S100A13: variants seen among roughly 807,000 people sequenced by gnomAD.
S100A13 encodes the protein S100 calcium binding protein A13.
In S100A13, 6 loss-of-function variants were observed where a neutral mutation model predicts 8.2. The observed-to-expected ratio is 0.73, with a 90% CI of 0.40 to 1.44. S100A13 has a LOEUF of 1.44. S100A13 is among the 40% of genes most tolerant of loss of function. The pLI is 0.02. For synonymous variants in S100A13, 39 were observed against 45.9 expected, an observed-to-expected ratio of 0.85 and a Z score of 0.61; for missense variants, 114 against 113.6, an observed-to-expected ratio of 1.00 and a Z score of -0.02.
chr1:153,623,368 T>C (rs1177853121), intron 2 of S100A13, among the ~76,000 whole-genome samples: 1 of 150,986 alleles, frequency 6.6e-6, no homozygotes, highest in Non-Finnish European at 1.5e-5. Flanking sequence ...GTTTCCTGAT[T>C]GCTCCTATTT....
intron 2 of S100A13, among the ~76,000 whole-genome samples, chr1:153,621,026 T>TA (rs200077101): frequency 0.022 from 3,360 of 152,134 alleles, 117 homozygotes; most frequent in African/African-American, 0.068. Flanking sequence ...ACAGGGATAT[T>TA]AAAAAAAACC....
At chr1:153,631,205 A>C, upstream of S100A13, 1 of 472,102 alleles carries the variant, frequency 2.1e-6, no homozygotes, top group Non-Finnish European at 3.8e-6. Flanking sequence ...TAGGCTGCTA[A>C]GGCTAACCAG....
At chr1:153,626,588 A>T in intron 1 of S100A13, 55 bp from the exon 2 acceptor site, 1 of 1,037,808 alleles carries the variant, frequency 9.6e-7, no homozygotes, top group Non-Finnish European at 1.4e-6. Flanking sequence ...AAGATGCAGG[A>T]ATGGTTCAGA....
chr1:153,634,034 C>T (rs995937453), upstream of S100A13: 3 of 152,620 alleles, frequency 2.0e-5, no homozygotes, highest in African/African-American at 7.2e-5. Flanking sequence ...ATTGCGTAGA[C>T]GCCATTTTAG....
chr1:153,631,668 C>T, upstream of S100A13: 2 of 1,613,914 alleles, frequency 1.2e-6, no homozygotes, highest in Non-Finnish European at 1.7e-6. Context: ...CTTCCCTATA[C>T]ACCTCCCTCT....
chr1:153,628,115 C>A (rs752171597), upstream of S100A13: 114 of 1,550,268 alleles, frequency 7.4e-5, no homozygotes, highest in Non-Finnish European at 9.3e-5. Flanking sequence ...AGAATTCCCC[C>A]CTTACCGGGC....
At chr1:153,631,584 C>T (rs1668011774), upstream of S100A13, 4 of 1,613,836 alleles carry the variant, frequency 2.5e-6, no homozygotes, top group African/African-American at 4.0e-5. Context: ...TCCCATAATT[C>T]AATGCAGTTC....
upstream of S100A13, among the ~76,000 whole-genome samples, chr1:153,632,607 A>C (rs1368992463): frequency 1.3e-5 from 2 of 152,116 alleles, no homozygotes; most frequent in Non-Finnish European, 2.9e-5. Flanking sequence ...CATTTACTTA[A>C]GTGGTACTAT....
chr1:153,630,262 C>T, upstream of S100A13: 1 of 522,266 alleles, frequency 1.9e-6, no homozygotes, highest in Non-Finnish European at 3.3e-6. Context: ...TGCTCTCTCT[C>T]CATGCCCCAA....
At chr1:153,631,183 G>A (rs903648244), upstream of S100A13, 4 of 417,862 alleles carry the variant, frequency 9.6e-6, no homozygotes, top group East Asian at 8.6e-5. Flanking sequence ...TGGCATGAAG[G>A]ATGTAGAAAA....
intron 2 of S100A13, among the ~76,000 whole-genome samples, chr1:153,620,707 C>T (rs1667186905): frequency 6.6e-6 from 1 of 152,062 alleles, no homozygotes; most frequent in Non-Finnish European, 1.5e-5. Context: ...CCTAGAGTTA[C>T]TTGTAATTTA....
chr1:153,621,158 G>A (rs1240624049), intron 2 of S100A13, among the ~76,000 whole-genome samples: 2 of 130,446 alleles, frequency 1.5e-5, no homozygotes, highest in East Asian at 5.5e-4. Context: ...CTATCTACAG[G>A]ATTTTTTTTT....
chr1:153,628,298 CCCAGG>C, upstream of S100A13: 1 of 1,512,924 alleles, frequency 6.6e-7, no homozygotes, highest in Non-Finnish European at 8.9e-7. Flanking sequence ...CCTGTTCCAG[CCCAGG>C]AGACAGAGGG....
upstream of S100A13, chr1:153,630,346 T>C (rs1305945484): frequency 1.0e-5 from 9 of 863,160 alleles, no homozygotes; most frequent in Non-Finnish European, 1.6e-5. Flanking sequence ...TCTTGGGGTT[T>C]CCCTCACATT....
chr1:153,619,392 C>G (rs896515293), intron 2 of S100A13, among the ~76,000 whole-genome samples: 2 of 152,194 alleles, frequency 1.3e-5, no homozygotes, highest in South Asian at 4.1e-4. Context: ...GCTGTGGGAT[C>G]GGCCCAAGGA....
chr1:153,628,139 C>T, upstream of S100A13: 5 of 1,550,582 alleles, frequency 3.2e-6, no homozygotes, highest in Non-Finnish European at 4.4e-6. Flanking sequence ...ACCAGCACAG[C>T]CAGCCACAGG....
upstream of S100A13, among the ~76,000 whole-genome samples, chr1:153,633,691 G>A (rs1168923588): frequency 6.6e-6 from 1 of 152,192 alleles, no homozygotes; most frequent in African/African-American, 2.4e-5. Context: ...AATTCCCCAG[G>A]CCCAATTGTC....
chr1:153,623,865 GGTGCAGAACA>G (rs1254755102), intron 2 of S100A13, among the ~76,000 whole-genome samples: 3 of 152,196 alleles, frequency 2.0e-5, no homozygotes, highest in Non-Finnish European at 4.4e-5. Context: ...TCCAAGTGCA[GGTGCAGAACA>G]GTGGATTTAA....
intron 2 of S100A13, among the ~76,000 whole-genome samples, chr1:153,620,185 G>A (rs1288163061): frequency 2.6e-5 from 4 of 152,076 alleles, no homozygotes; most frequent in African/African-American, 9.7e-5. Flanking sequence ...TACTCGGTAG[G>A]CTGAGACAGG....
Sources: allele counts gnomAD v4.1 joint callset (sites outside exome capture counted in the v4.1 genomes callset), GRCh38; gene constraint gnomAD v4.1.1; transcripts MANE v1.5; gene names NCBI Gene and HGNC (gene_info 2026-07-23, HGNC 2026-07-21).